Variants in WWC2 observed in about 807,000 individuals in gnomAD.
WWC2 encodes protein WWC2.
Under a neutral mutation model 138.5 loss-of-function variants are expected in WWC2, and 101 were observed. That is an observed-to-expected ratio of 0.73 (90% CI 0.62 to 0.86). The LOEUF (loss-of-function observed/expected upper bound fraction) is 0.86. Ranked by LOEUF, WWC2 falls within the 40% of genes least tolerant of loss-of-function variation. The probability of loss-of-function intolerance (pLI) is 0.00; values close to 1 mark genes in which losing one functional copy is unlikely to be tolerated. For missense variants in WWC2, 1,420 were observed against 1,419.4 expected (o/e 1.00, Z -0.01); for synonymous variants, 558 against 538.4 (o/e 1.04, Z -0.50).
chr4:183,317,256 ATAT>A lies in WWC2; in HGVS notation c.*1529_*1531del, dbSNP rs1739471202. ...TTTATTTTCTTGAAAGCAATTATAT[ATAT>A]TTTGGAAAGTTCATGTTATTGGAAT... On this transcript the variant is annotated 3_prime_UTR_variant, in exon 23 of 23. Coordinates refer to ENST00000403733, the MANE Select transcript of WWC2 (RefSeq NM_024949.6). 4 of 152,172 alleles carry A rather than the reference ATAT, an allele frequency of 2.6e-5. No homozygotes were observed. Among genetic ancestry groups the A allele is most frequent in the Admixed American group, 2.6e-4 (4 of 15,278 alleles). 9.4% of individuals were successfully genotyped at this position (152,172 alleles called of 1,614,324 possible). A position where few individuals can be genotyped will look rare whatever the true frequency, so the allele number is the denominator to read the frequency against.
intron 1 of WWC2, among the ~76,000 whole-genome samples, chr4:183,135,233 A>T (rs1355073552): frequency 6.6e-6 from 1 of 152,022 alleles, no homozygotes; most frequent in Non-Finnish European, 1.5e-5. Context: ...TTTATCTTTT[A>T]ACTGGACTAC....
Position 183,284,812 on chromosome 4 carries a change from CCT to C in WWC2, c.3048+425_3048+426del, listed in dbSNP as rs1165317879. The stretch of plus-strand genomic sequence containing the variant: ...GTGAATTGCATTTTAGATTAAAAAT[CCT>C]CTTTTAATAATGCTTATAAACACTG... On this transcript the variant is annotated intron_variant, in intron 19 of 22. Coordinates refer to ENST00000403733, the MANE Select transcript of WWC2 (RefSeq NM_024949.6). 3.3e-5 allele frequency among the ~76,000 whole-genome samples: 5 copies of C among 152,212 alleles called. No individual in the cohort carries two copies. In the South Asian group the frequency reaches 8.3e-4, roughly 25 times the overall value.
intron 4 of WWC2, among the ~76,000 whole-genome samples, chr4:183,235,850 T>A (rs1736408289): frequency 6.6e-6 from 1 of 152,208 alleles, no homozygotes; most frequent in African/African-American, 2.4e-5. Context: ...TTTAAAAAAA[T>A]TTAAATTGAC....
At chr4:183,188,831 G>C (rs1734897997) in intron 1 of WWC2, among the ~76,000 whole-genome samples, 1 of 151,474 alleles carries the variant, frequency 6.6e-6, no homozygotes, top group Admixed American at 6.6e-5. Context: ...TTTTAGTAGA[G>C]ACGGGGGTTT....
At chr4:183,259,231 C>T (rs17074536) in intron 9 of WWC2, among the ~76,000 whole-genome samples, 10,665 of 152,182 alleles carry the variant, frequency 0.07, 729 homozygotes, top group African/African-American at 0.18. Flanking sequence ...TTTAGGGTGA[C>T]CTTTACTGTT....
chr4:183,273,044 T>G (rs911673082), intron 16 of WWC2, among the ~76,000 whole-genome samples: 3 of 152,150 alleles, frequency 2.0e-5, no homozygotes, highest in Non-Finnish European at 2.9e-5. Flanking sequence ...CCTAGGTGTT[T>G]GCACCATTTT....
chr4:183,117,864 G>A (rs1034460137), intron 1 of WWC2, among the ~76,000 whole-genome samples: 4 of 151,592 alleles, frequency 2.6e-5, no homozygotes, highest in East Asian at 3.9e-4. Flanking sequence ...GCAATGGTGC[G>A]ATCTTGGCTC....
At chr4:183,218,398 CTGTT>C (rs138857165) in intron 4 of WWC2, among the ~76,000 whole-genome samples, 17,969 of 151,658 alleles carry the variant, frequency 0.12, 1,180 homozygotes, top group East Asian at 0.23. Context: ...ATATAAGTAT[CTGTT>C]TGAGTCTCTG....
At chr4:183,232,482 G>A (rs978093906) in intron 4 of WWC2, among the ~76,000 whole-genome samples, 4 of 152,104 alleles carry the variant, frequency 2.6e-5, no homozygotes, top group South Asian at 2.1e-4. Flanking sequence ...TGTCTTTCCC[G>A]ATGTGCCTGT....
At chr4:183,149,479 A>G (rs1445476090) in intron 1 of WWC2, among the ~76,000 whole-genome samples, 1 of 152,012 alleles carries the variant, frequency 6.6e-6, no homozygotes, top group East Asian at 1.9e-4. Context: ...AAAATTAGCC[A>G]GGTGTGGTGG....
chr4:183,311,611 A>T (rs1359730441), intron 21 of WWC2, among the ~76,000 whole-genome samples: 1 of 106,360 alleles, frequency 9.4e-6, no homozygotes, highest in Admixed American at 1.1e-4. Flanking sequence ...ACGGAGTCTC[A>T]CTCTGTCGCC....
intron 8 of WWC2, among the ~76,000 whole-genome samples, chr4:183,252,426 T>C (rs2111339321): frequency 6.6e-6 from 1 of 152,330 alleles, no homozygotes; most frequent in South Asian, 2.1e-4. Context: ...ACGTAGCAAG[T>C]TATTTGACTC....
intron 2 of WWC2, among the ~76,000 whole-genome samples, chr4:183,195,892 T>A (rs968998416): frequency 6.6e-6 from 1 of 152,142 alleles, no homozygotes. Flanking sequence ...CCCATCTAAA[T>A]CTCATGCTGA....
At chr4:183,221,463 G>A (rs1278915202) in intron 4 of WWC2, among the ~76,000 whole-genome samples, 2 of 152,154 alleles carry the variant, frequency 1.3e-5, no homozygotes, top group Non-Finnish European at 2.9e-5. Context: ...AAAAACAGCA[G>A]AAGTGCACAC....
At chr4:183,208,806 T>A (rs1735513698) in intron 3 of WWC2, 143 bp from the exon 4 acceptor site, 2 of 590,572 alleles carry the variant, frequency 3.4e-6, no homozygotes, top group Non-Finnish European at 6.0e-6. Context: ...TATATTTAGG[T>A]GTCTGATCAA....
chr4:183,164,299 TAC>T (rs199850509), intron 1 of WWC2, among the ~76,000 whole-genome samples: 129 of 7,360 alleles, frequency 0.018, 5 homozygotes, highest in African/African-American at 0.063. Context: ...TATATATATA[TAC>T]ATATATATAT....
At chr4:183,276,164 A>C (rs1737850545) in intron 16 of WWC2, among the ~76,000 whole-genome samples, 1 of 151,816 alleles carries the variant, frequency 6.6e-6, no homozygotes, top group Non-Finnish European at 1.5e-5. Flanking sequence ...TGTTTGCATG[A>C]TTTATCTTTT....
At chr4:183,285,140 C>T (rs529000972) in intron 19 of WWC2, among the ~76,000 whole-genome samples, 9 of 152,082 alleles carry the variant, frequency 5.9e-5, no homozygotes, top group Middle Eastern at 3.2e-3. Context: ...ATAAGATGAA[C>T]AAGCTATGAA....
At chr4:183,255,528 G>C (rs1737108660) in intron 9 of WWC2, among the ~76,000 whole-genome samples, 2 of 152,258 alleles carry the variant, frequency 1.3e-5, no homozygotes, top group South Asian at 2.1e-4. Context: ...CTACTACATA[G>C]CATTTACATA....
Sources: allele counts gnomAD v4.1 joint callset (sites outside exome capture counted in the v4.1 genomes callset), GRCh38; gene constraint gnomAD v4.1.1; transcripts MANE v1.5; gene names NCBI Gene and HGNC (gene_info 2026-07-23, HGNC 2026-07-21).